KDM1A: variants seen among roughly 807,000 people sequenced by gnomAD.
KDM1A encodes the protein lysine demethylase 1A.
A neutral mutation model predicts 109.4 loss-of-function variants in KDM1A; 49 were observed. That is an observed-to-expected ratio of 0.45 (90% CI 0.36 to 0.57). KDM1A has a LOEUF of 0.57. KDM1A is among the 20% of genes least tolerant of loss of function. KDM1A has a pLI of 0.00. For synonymous variants in KDM1A, 380 were observed against 415.4 expected, an observed-to-expected ratio of 0.91 and a Z score of 1.04; for missense variants, 668 against 1,116.6, an observed-to-expected ratio of 0.60 and a Z score of 5.73.
chr1:23,020,081 C>T (rs2124318033), intron 1 of KDM1A, 134 bp downstream of exon 1: 2 of 958,138 alleles, frequency 2.1e-6, no homozygotes, highest in South Asian at 4.9e-5. Context: ...CTGCGCACGC[C>T]ACGTCCCCTC....
chr1:23,049,783 G>C (rs1642611490), intron 3 of KDM1A, among the ~76,000 whole-genome samples: 1 of 151,766 alleles, frequency 6.6e-6, no homozygotes, highest in Non-Finnish European at 1.5e-5. Flanking sequence ...AGTAATATTA[G>C]TAGTATATAG....
intron 1 of KDM1A, among the ~76,000 whole-genome samples, chr1:23,023,794 A>G (rs750044941): frequency 1.1e-4 from 16 of 152,110 alleles, no homozygotes; most frequent in Non-Finnish European, 1.8e-4. Context: ...GCACACTATT[A>G]GATTTTACTG....
chr1:23,063,128 C>CA (rs1643046895), intron 9 of KDM1A, among the ~76,000 whole-genome samples: 1 of 117,994 alleles, frequency 8.5e-6, no homozygotes, highest in African/African-American at 3.2e-5. Context: ...ATGGGCTTTA[C>CA]TTTTTTTTTT....
At chr1:23,066,877 ATT>A (rs1441068984) in intron 10 of KDM1A, among the ~76,000 whole-genome samples, 1 of 152,242 alleles carries the variant, frequency 6.6e-6, no homozygotes, top group African/African-American at 2.4e-5. Context: ...AAATTTCAGC[ATT>A]GTTTGAGTTG....
chr1:23,078,984 C>T lies in KDM1A; in HGVS notation c.1868-6C>T, dbSNP rs777988506. On this transcript the variant is annotated splice_region_variant and splice_polypyrimidine_tract_variant and intron_variant, in intron 16 of 20. Transcript: ENST00000400181. ...CCACTAGTCTTTTCCCACCCAACCTCTGCAGGATGTGAAGTGATAGCTGTG... is the reference window on the plus strand; with the variant it reads ...CCACTAGTCTTTTCCCACCCAACCTTTGCAGGATGTGAAGTGATAGCTGTG... The T allele has an allele frequency of 1.2e-6, 2 of 1,611,850 alleles. No homozygotes were observed. The highest frequency in any genetic ancestry group is 1.7e-5 in the Admixed American group (1 of 59,970).
At chr1:23,072,259 G>T in intron 14 of KDM1A, 62 bp downstream of exon 14, 1 of 1,199,748 alleles carries the variant, frequency 8.3e-7, no homozygotes, top group Non-Finnish European at 1.2e-6. Context: ...AGCTTGATTT[G>T]GAAGGAAAAT....
At chr1:23,029,730 C>A (rs1028418431) in intron 1 of KDM1A, among the ~76,000 whole-genome samples, 1 of 152,202 alleles carries the variant, frequency 6.6e-6, no homozygotes, top group Non-Finnish European at 1.5e-5. Flanking sequence ...ACCTCCGCCT[C>A]CCAGGTTCAA....
intron 19 of KDM1A, 71 bp from the exon 20 acceptor site, chr1:23,082,149 T>G: frequency 1.9e-6 from 3 of 1,544,744 alleles, no homozygotes; most frequent in Non-Finnish European, 2.7e-6. Context: ...CCACCACTGC[T>G]TTTCCACCTT....
At chr1:23,023,743 C>G (rs1012376018) in intron 1 of KDM1A, among the ~76,000 whole-genome samples, 29 of 152,152 alleles carry the variant, frequency 1.9e-4, no homozygotes, top group African/African-American at 6.8e-4. Flanking sequence ...TGCTGGGATT[C>G]TGATTGTGAT....
chr1:23,052,948 T>TC (rs1179485973), intron 4 of KDM1A, among the ~76,000 whole-genome samples: 1 of 152,188 alleles, frequency 6.6e-6, no homozygotes, highest in East Asian at 1.9e-4. Flanking sequence ...AGACCCTATA[T>TC]CCATCTATTT....
intron 8 of KDM1A, chr1:23,057,845 C>T (rs185827763): frequency 4.7e-6 from 1 of 210,986 alleles, no homozygotes; most frequent in Non-Finnish European, 9.0e-6. Flanking sequence ...GCTCTGTCAC[C>T]CAGGCTGGAG....
intron 5 of KDM1A, 144 bp downstream of exon 5, chr1:23,053,983 T>A (rs1642749926): frequency 1.8e-5 from 11 of 612,902 alleles, no homozygotes; most frequent in South Asian, 1.2e-4. Flanking sequence ...AAAATAAGTC[T>A]TATAGAAAAC....
intron 15 of KDM1A, among the ~76,000 whole-genome samples, chr1:23,075,374 CAG>C (rs1318678520): frequency 6.6e-6 from 1 of 151,778 alleles, no homozygotes; most frequent in Non-Finnish European, 1.5e-5. Context: ...TCAATTGAGT[CAG>C]GAGTTCAAGA....
chr1:23,045,748 C>CT (rs944448501), intron 3 of KDM1A, among the ~76,000 whole-genome samples: 34 of 151,950 alleles, frequency 2.2e-4, no homozygotes, highest in African/African-American at 8.2e-4. Flanking sequence ...TGAAAGCAGA[C>CT]TTTCATATAA....
chr1:23,081,995 T>TGGTCGCCGTATCATTAAAAAAATGG, intron 19 of KDM1A: 2 of 381,788 alleles, frequency 5.2e-6, no homozygotes, highest in East Asian at 7.4e-5. Flanking sequence ...TGTAGATCTC[T>TGGTCGCCGTATCATTAAAAAAATGG]GGATTCATAG....
chr1:23,021,849 C>T (rs1641642142), intron 1 of KDM1A, among the ~76,000 whole-genome samples: 1 of 152,188 alleles, frequency 6.6e-6, no homozygotes, highest in South Asian at 2.1e-4. Context: ...CCCCAGTCCT[C>T]CCTACCCCCA....
intron 9 of KDM1A, 81 bp from the exon 10 acceptor site, chr1:23,065,979 C>T (rs965151260): frequency 1.9e-6 from 3 of 1,574,768 alleles, no homozygotes; most frequent in South Asian, 2.4e-5. Flanking sequence ...GATTTTATTG[C>T]TGTCATACAA....
chr1:23,040,266 C>G (rs1344545543), intron 2 of KDM1A, among the ~76,000 whole-genome samples: 1 of 152,150 alleles, frequency 6.6e-6, no homozygotes, highest in Non-Finnish European at 1.5e-5. Flanking sequence ...CAGATAAAAG[C>G]ATTTGAAAGT....
chr1:23,047,464 C>A (rs1379978564), intron 3 of KDM1A, among the ~76,000 whole-genome samples: 1 of 152,138 alleles, frequency 6.6e-6, no homozygotes, highest in Non-Finnish European at 1.5e-5. Flanking sequence ...CATTTAGTTT[C>A]TTTAAATGCC....
Sources: allele counts gnomAD v4.1 joint callset (sites outside exome capture counted in the v4.1 genomes callset), GRCh38; gene constraint gnomAD v4.1.1; transcripts MANE v1.5; gene names NCBI Gene and HGNC (gene_info 2026-07-23, HGNC 2026-07-21).